Variants in MYEF2 observed in about 807,000 individuals in gnomAD.
MYEF2 encodes myelin gene expression factor 2.
MYEF2 carries 37 observed loss-of-function variants against 75.2 expected under a neutral mutation model. The observed-to-expected ratio is 0.49, with a 90% CI of 0.38 to 0.65. MYEF2 has a LOEUF of 0.65. MYEF2 is among the 30% of genes least tolerant of loss of function. The pLI is 0.00. For missense variants in MYEF2, 634 were observed against 771.4 expected (o/e 0.82, Z 2.11); for synonymous variants, 195 against 241.6 (o/e 0.81, Z 1.79).
rs1378793237 is a variant in MYEF2 at position 48,134,735 on chromosome 15, T to C, written c.*8173A>G. 4.2e-5 allele frequency: 32 copies of C among 754,294 alleles called. No homozygotes were observed. Among genetic ancestry groups the C allele is most frequent in the Middle Eastern group, 3.9e-4 (1 of 2,570 alleles). 46.7% of individuals were successfully genotyped at this position (754,294 alleles called of 1,614,324 possible). A position where few individuals can be genotyped will look rare whatever the true frequency, so the allele number is the denominator to read the frequency against. On this transcript the variant is annotated 3_prime_UTR_variant, in exon 17 of 17. Transcript: ENST00000324324. Reference sequence around the variant, plus strand: ...CAGATTTATGAAAGTCTGTGTAAGTTAGAACACAATTTTACATTTTTTTCT... The same window carrying C: ...CAGATTTATGAAAGTCTGTGTAAGTCAGAACACAATTTTACATTTTTTTCT...
rs1243719603 is a variant in MYEF2, at chr15:48,166,113, T to G, written c.431+8A>C. 6.3e-7 allele frequency: 1 copy of G among 1,578,742 alleles called. No homozygotes were observed. The highest frequency in any genetic ancestry group is 8.6e-7 in the Non-Finnish European group (1 of 1,159,462). ...TGACTTAAGATACTTAAAGAAAAAA[T>G]TTCTTACCCACAACCCTATATCCAG... On this transcript the variant is annotated splice_region_variant and intron_variant, in intron 4 of 16. Coordinates refer to ENST00000324324, the MANE Select transcript of MYEF2 (RefSeq NM_016132.5).
At chr15:48,147,792 A>G (rs1163927308) in intron 16 of MYEF2, among the ~76,000 whole-genome samples, 1 of 151,980 alleles carries the variant, frequency 6.6e-6, no homozygotes, top group Non-Finnish European at 1.5e-5. Context: ...TGAGGGCAGG[A>G]GCATCTCACT....
chr15:48,167,600 TA>T (rs1056065484), intron 2 of MYEF2, among the ~76,000 whole-genome samples, 199 bp from the exon 3 acceptor site: 4 of 151,858 alleles, frequency 2.6e-5, no homozygotes, highest in African/African-American at 9.7e-5. Context: ...CCACATTCTC[TA>T]AAAAAAAGCT....
At chr15:48,162,230 G>A (rs2039967522) in intron 5 of MYEF2, among the ~76,000 whole-genome samples, 1 of 152,064 alleles carries the variant, frequency 6.6e-6, no homozygotes, top group Admixed American at 6.5e-5. Flanking sequence ...TTGGACAGGA[G>A]TAACAATCAT....
intron 16 of MYEF2, among the ~76,000 whole-genome samples, chr15:48,144,736 G>C (rs1006321012): frequency 1.3e-5 from 2 of 151,550 alleles, no homozygotes; most frequent in African/African-American, 4.8e-5. Context: ...TTGAATGCTG[G>C]TACCTGAAAA....
At position 48,136,696 on chromosome 15, in the gene MYEF2, T is replaced by A. The variant is rs1241925443; in HGVS notation, c.*6212A>T. On this transcript the variant is annotated 3_prime_UTR_variant, in exon 17 of 17. Transcript: ENST00000324324. ...TCTCTTTTGTAGGTATGAAGGGGCT[T>A]TACTGCTTTTGATATATGGATTGTA... 1 of 1,607,574 alleles carries A rather than the reference T, an allele frequency of 6.2e-7. No individual in the cohort carries two copies. The highest frequency in any genetic ancestry group is 1.1e-5 in the South Asian group (1 of 90,138).
In MYEF2 at chr15:48,159,607, A is replaced by G; in HGVS notation, c.717+6T>C. ...TGACAAATTTTAGACTAAAGCTTGA[A>G]CTTACATTGGCAACAAAAATTGTGG... On this transcript the variant is annotated splice_donor_region_variant and intron_variant, in intron 6 of 16. Coordinates refer to ENST00000324324, the MANE Select transcript of MYEF2 (RefSeq NM_016132.5). 1 of 1,608,766 alleles carries G rather than the reference A, an allele frequency of 6.2e-7. No individual in the cohort carries two copies. The highest frequency in any genetic ancestry group is 1.1e-5 in the South Asian group (1 of 89,728).
At chr15:48,158,712 A>C (rs2039807719) in intron 7 of MYEF2, 57 bp downstream of exon 7, 4 of 1,597,462 alleles carry the variant, frequency 2.5e-6, no homozygotes. Context: ...GCCAAAACAA[A>C]GGTGGTATTA....
intron 16 of MYEF2, among the ~76,000 whole-genome samples, chr15:48,147,072 A>G (rs2039312808): frequency 6.6e-6 from 1 of 152,010 alleles, no homozygotes; most frequent in South Asian, 2.1e-4. Context: ...TAATCGAAAA[A>G]GGATTATAAG....
In MYEF2 at chr15:48,153,821, C is replaced by G; in HGVS notation, c.1058G>C (p.Gly353Ala). 1 of 1,613,412 alleles carries G rather than the reference C, an allele frequency of 6.2e-7. No individual in the cohort carries two copies. The highest frequency in any genetic ancestry group is 8.5e-7 in the Non-Finnish European group (1 of 1,179,574). ...TGGACCTAAATTTCCCATTACTCCA[C>G]CTATGTTCAACTGGCTGGCACTAAT... is the stretch of plus-strand genomic sequence containing the variant. ...QPISASQLNI[G>A]GVMGNLGPGG... The change falls in exon 10 of 17, where the codon GGT becomes GCT. Residue 353 changes from glycine to alanine, a missense_variant. Coordinates refer to ENST00000324324, the MANE Select transcript of MYEF2 (RefSeq NM_016132.5).
rs2038936295 is a variant in MYEF2, at chr15:48,137,703, C to T, written c.*5205G>A. The T allele has an allele frequency of 6.6e-6, 1 of 151,980 alleles. No individual in the cohort carries two copies. Among genetic ancestry groups the T allele is most frequent in the Non-Finnish European group, 1.5e-5 (1 of 67,992 alleles). 9.4% of individuals were successfully genotyped at this position (151,980 alleles called of 1,614,324 possible). A position where few individuals can be genotyped will look rare whatever the true frequency, so the allele number is the denominator to read the frequency against. On this transcript the variant is annotated 3_prime_UTR_variant, in exon 17 of 17. Transcript: ENST00000324324. ...GACTATATGGGGCCAGAAAAAGGAA[C>T]AAAGACACCTCCTATGTTTTAATCT... is the stretch of plus-strand genomic sequence containing the variant.
In MYEF2 at chr15:48,135,952, G is replaced by A. The variant is rs1206381855; in HGVS notation, c.*6956C>T. ...CCAAGCTAATTCTTCCTCCATTAGG[G>A]AAATCAGAACTGTTCTTTAAGATAC... On this transcript the variant is annotated 3_prime_UTR_variant, in exon 17 of 17. Transcript: ENST00000324324. 9 of 152,106 alleles carry A rather than the reference G, an allele frequency of 5.9e-5. No individual in the cohort carries two copies. The highest frequency in any genetic ancestry group is 5.9e-4 in the Admixed American group (9 of 15,244). The allele number at this position is 152,106 out of a possible 1,614,324, so 9.4% of individuals were successfully genotyped here. A position where few individuals can be genotyped will look rare whatever the true frequency, so the allele number is the denominator to read the frequency against.
chr15:48,158,251 TTAAGA>T (rs758536623), intron 7 of MYEF2, 27 bp from the exon 8 acceptor site: 32 of 1,604,338 alleles, frequency 2.0e-5, no homozygotes, highest in African/African-American at 1.6e-4. Flanking sequence ...GGAAAGTCAG[TTAAGA>T]TAACTATAAA....
At chr15:48,150,880 T>C (rs771997332) in intron 14 of MYEF2, among the ~76,000 whole-genome samples, 11 of 152,082 alleles carry the variant, frequency 7.2e-5, no homozygotes, top group Non-Finnish European at 1.2e-4. Flanking sequence ...TAACACATAG[T>C]TTAGAAATAT....
At chr15:48,162,379 T>C (rs2039973536) in intron 5 of MYEF2, among the ~76,000 whole-genome samples, 1 of 152,180 alleles carries the variant, frequency 6.6e-6, no homozygotes, top group Non-Finnish European at 1.5e-5. Flanking sequence ...CGAGTCCTGA[T>C]AGCACTATGA....
At chr15:48,147,168 T>C (rs1385445410) in intron 16 of MYEF2, among the ~76,000 whole-genome samples, 2 of 151,934 alleles carry the variant, frequency 1.3e-5, no homozygotes, top group East Asian at 3.9e-4. Flanking sequence ...TCTATGTAGA[T>C]TTGAATGTTT....
intron 1 of MYEF2, among the ~76,000 whole-genome samples, chr15:48,174,059 C>T (rs530427921): frequency 1.2e-3 from 182 of 152,084 alleles, no homozygotes; most frequent in African/African-American, 4.2e-3. Context: ...GAAGAAAAAA[C>T]TAAAAGTACC....
chr15:48,141,760 A>G lies in MYEF2; in HGVS notation c.*1148T>C. ...GTTAAATAGTAATTAACCATTAACC[A>G]TGTTAAATTACAATGAAAAGCAACA... On this transcript the variant is annotated 3_prime_UTR_variant, in exon 17 of 17. Coordinates refer to ENST00000324324, the MANE Select transcript of MYEF2 (RefSeq NM_016132.5). The G allele has an allele frequency of 4.3e-6, 1 of 234,784 alleles. No homozygotes were observed. The highest frequency in any genetic ancestry group is 8.2e-6 in the Non-Finnish European group (1 of 122,094). 14.5% of individuals were successfully genotyped at this position (234,784 alleles called of 1,614,324 possible).
Position 48,135,567 on chromosome 15 carries a change from A to G in MYEF2, c.*7341T>C, listed in dbSNP as rs1250368706. The G allele has an allele frequency of 6.6e-6, 1 of 152,436 alleles. No homozygotes were observed. Among genetic ancestry groups the G allele is most frequent in the East Asian group, 1.9e-4 (1 of 5,196 alleles). The allele number at this position is 152,436 out of a possible 1,614,324, so 9.4% of individuals were successfully genotyped here. On this transcript the variant is annotated 3_prime_UTR_variant, in exon 17 of 17. Transcript: ENST00000324324. ...AAAAAGGTGGTGACTGAGTGGACAG[A>G]TACTAACTTTTTCAACTAGTAAGCA...
Sources: allele counts gnomAD v4.1 joint callset (sites outside exome capture counted in the v4.1 genomes callset), GRCh38; gene constraint gnomAD v4.1.1; transcripts MANE v1.5; gene names NCBI Gene and HGNC (gene_info 2026-07-23, HGNC 2026-07-21).